TRABD2B: variants seen among roughly 807,000 people sequenced by gnomAD.
The protein encoded by TRABD2B is TraB domain containing 2B, also known as metalloprotease TIKI2.
TRABD2B carries 14 observed loss-of-function variants against 40.1 expected under a neutral mutation model. That is an observed-to-expected ratio of 0.35 (90% CI 0.23 to 0.55). The LOEUF (loss-of-function observed/expected upper bound fraction) is 0.55, where lower values mean the gene tolerates loss of function less well. TRABD2B is among the 20% of genes least tolerant of loss of function. The pLI is 0.90. For missense variants in TRABD2B, 541 were observed against 648.6 expected (o/e 0.83, Z 1.80); for synonymous variants, 263 against 277.0 (o/e 0.95, Z 0.50).
At chr1:47,942,645 A>G (rs772312827) in intron 2 of TRABD2B, among the ~76,000 whole-genome samples, 1 of 152,238 alleles carries the variant, frequency 6.6e-6, no homozygotes, top group Non-Finnish European at 1.5e-5. Context: ...TGCAACAACA[A>G]TAATGTTAAT....
intron 3 of TRABD2B, among the ~76,000 whole-genome samples, chr1:47,796,992 A>T (rs1644757719): frequency 6.6e-6 from 1 of 152,214 alleles, no homozygotes; most frequent in Admixed American, 6.5e-5. Flanking sequence ...ATGTTGTACC[A>T]CCAAATAAAT....
chr1:47,906,870 G>A (rs1227467674), intron 2 of TRABD2B, among the ~76,000 whole-genome samples: 1 of 152,232 alleles, frequency 6.6e-6, no homozygotes, highest in Non-Finnish European at 1.5e-5. Context: ...GCTTAGCAGG[G>A]GGACCTGCCA....
At chr1:47,957,155 G>T (rs971681018) in intron 2 of TRABD2B, among the ~76,000 whole-genome samples, 22 of 152,340 alleles carry the variant, frequency 1.4e-4, no homozygotes, top group African/African-American at 5.1e-4. Flanking sequence ...CTGACTGTTA[G>T]AAAGAAAACT....
In TRABD2B at chr1:47,987,817, G is replaced by A. The variant is rs114167453; in HGVS notation, c.666+6217C>T. On this transcript the variant is annotated intron_variant, in intron 2 of 6. Coordinates refer to ENST00000606738, the MANE Select transcript of TRABD2B (RefSeq NM_001194986.2). ...CAGATGGCTCTGTGGGGGAGACACA[G>A]CGGGTGTGGCAGACTGCCGAAGCAC... Among the ~76,000 whole-genome samples the A allele has an allele frequency of 8.0e-3, 1,218 of 152,230 alleles. 8 individuals carry two copies. Among genetic ancestry groups the A allele is most frequent in the Non-Finnish European group, 0.012 (839 of 68,030 alleles).
At chr1:47,985,410 T>C (rs531484047) in intron 2 of TRABD2B, among the ~76,000 whole-genome samples, 1 of 152,384 alleles carries the variant, frequency 6.6e-6, no homozygotes, top group South Asian at 2.1e-4. Context: ...ATCCCAAGAA[T>C]GAAGGTGACA....
chr1:47,884,776 C>T (rs1026657654), intron 2 of TRABD2B, among the ~76,000 whole-genome samples: 3 of 151,850 alleles, frequency 2.0e-5, no homozygotes, highest in East Asian at 1.9e-4. Flanking sequence ...CCACTATGCC[C>T]GGCTAATTTT....
intron 2 of TRABD2B, among the ~76,000 whole-genome samples, chr1:47,826,335 G>C (rs1320968582): frequency 6.6e-6 from 1 of 151,714 alleles, no homozygotes; most frequent in African/African-American, 2.4e-5. Flanking sequence ...ATTTAAGTGG[G>C]GTGCAAATCT....
rs756654012 is a variant in TRABD2B, at chr1:47,763,347, T to G, written c.*2555A>C. On this transcript the variant is annotated 3_prime_UTR_variant, in exon 7 of 7. Transcript: ENST00000606738. ...CTCCTGTAGGTACATGTCTACTCCA[T>G]CGGTTAGTCTAGCCATCTTTCTTTA... 11 of 152,228 alleles carry G rather than the reference T, an allele frequency of 7.2e-5. No homozygotes were observed. The highest frequency in any genetic ancestry group is 1.2e-4 in the Non-Finnish European group (8 of 68,048). The allele number at this position is 152,228 out of a possible 1,614,324, so 9.4% of individuals were successfully genotyped here. A position where few individuals can be genotyped will look rare whatever the true frequency, so the allele number is the denominator to read the frequency against.
chr1:47,976,476 T>C (rs996753450), intron 2 of TRABD2B, among the ~76,000 whole-genome samples: 8 of 152,174 alleles, frequency 5.3e-5, no homozygotes, highest in African/African-American at 1.9e-4. Flanking sequence ...TTACCTACTA[T>C]GTGCTAGACA....
chr1:47,770,135 C>A (rs903557232), intron 6 of TRABD2B, among the ~76,000 whole-genome samples: 1 of 152,138 alleles, frequency 6.6e-6, no homozygotes, highest in Non-Finnish European at 1.5e-5. Flanking sequence ...GTGGGCTGTA[C>A]CCTGACTGAC....
intron 2 of TRABD2B, among the ~76,000 whole-genome samples, chr1:47,993,407 T>G (rs1646041101): frequency 6.6e-6 from 1 of 152,228 alleles, no homozygotes. Context: ...CTGTCAACCT[T>G]TAAGCGAACA....
In TRABD2B at chr1:47,994,356, T is replaced by C. The variant is rs1261402650; in HGVS notation, c.344A>G (p.His115Arg). 6.5e-7 allele frequency: 1 copy of C among 1,536,142 alleles called. No homozygotes were observed. The highest frequency in any genetic ancestry group is 2.0e-5 in the Admixed American group (1 of 51,004). ...HGENLQDVLP[H>R]ELYWRLKRHL... ...GCGCTTCAAGCGCCAGTAAAGCTCGTGGGGCAGCACGTCCTGCAGGTTTTC... is the reference window on the plus strand; with the variant it reads ...GCGCTTCAAGCGCCAGTAAAGCTCGCGGGGCAGCACGTCCTGCAGGTTTTC... Residue 115 changes from histidine (H) to arginine (R), a missense_variant, in exon 2 of 7, where the codon CAC (histidine) becomes CGC (arginine). By Grantham distance (29) the His-to-Arg change is conservative. This residue lies in a region of TRABD2B where 369 missense variants were observed against 492.8 expected (regional missense o/e 0.75). Transcript: ENST00000606738. This position sits in a 1 kb window ranked among gnomAD's most constrained non-coding sequence, Gnocchi z 6.7.
chr1:47,822,166 A>T (rs986753155), intron 2 of TRABD2B, among the ~76,000 whole-genome samples: 7 of 150,472 alleles, frequency 4.7e-5, no homozygotes, highest in African/African-American at 1.7e-4. Context: ...ACACACACAC[A>T]CAAACACACA....
Position 47,815,146 on chromosome 1 carries a change from A to G in TRABD2B, c.667-13527T>C, listed in dbSNP as rs111753893. ...ATCCCCTCCTTCCCCCTACCACAGA[A>G]AGGGAAAATGTTTTTAGACCCAAGG... On this transcript the variant is annotated intron_variant, in intron 2 of 6. Coordinates refer to ENST00000606738, the MANE Select transcript of TRABD2B (RefSeq NM_001194986.2). 9.0e-3 allele frequency among the ~76,000 whole-genome samples: 1,377 copies of G among 152,276 alleles called. 26 individuals are homozygous for G. The highest frequency in any genetic ancestry group is 0.032 in the African/African-American group (1,314 of 41,552).
At chr1:47,806,739 A>T (rs1387757742) in intron 2 of TRABD2B, among the ~76,000 whole-genome samples, 1 of 152,210 alleles carries the variant, frequency 6.6e-6, no homozygotes, top group African/African-American at 2.4e-5. Context: ...GGAGGGTGGG[A>T]ACAGGTTTAT....
chr1:47,881,815 G>T (rs1378210408), intron 2 of TRABD2B, among the ~76,000 whole-genome samples: 2 of 152,194 alleles, frequency 1.3e-5, no homozygotes, highest in African/African-American at 4.8e-5. Context: ...CTTTGTGTCT[G>T]CATGTCCTGA....
At chr1:47,888,745 C>T (rs1644406305) in intron 2 of TRABD2B, among the ~76,000 whole-genome samples, 1 of 152,186 alleles carries the variant, frequency 6.6e-6, no homozygotes, top group Non-Finnish European at 1.5e-5. Context: ...CACTTCCAGG[C>T]TTGGCCCCTG....
Position 47,814,988 on chromosome 1 carries a change from A to G in TRABD2B, c.667-13369T>C, listed in dbSNP as rs551955922. 4.6e-5 allele frequency among the ~76,000 whole-genome samples: 7 copies of G among 152,314 alleles called. No homozygotes were observed. In the South Asian group the frequency reaches 1.4e-3, roughly 32 times the overall value. On this transcript the variant is annotated intron_variant, in intron 2 of 6. Coordinates refer to ENST00000606738, the MANE Select transcript of TRABD2B (RefSeq NM_001194986.2). ...TCCTGCATGGGGCTTCTCGTTGTGCAGAGAGAACACTGAGCCCCAGAGAGG... is the reference window on the plus strand; with the variant it reads ...TCCTGCATGGGGCTTCTCGTTGTGCGGAGAGAACACTGAGCCCCAGAGAGG...
chr1:47,964,696 C>T, intron 2 of TRABD2B, among the ~76,000 whole-genome samples: 1 of 152,154 alleles, frequency 6.6e-6, no homozygotes, highest in Non-Finnish European at 1.5e-5. Context: ...GGGATTTCAA[C>T]TAGGGTATTA....
Sources: allele counts gnomAD v4.1 joint callset (sites outside exome capture counted in the v4.1 genomes callset), GRCh38; gene constraint gnomAD v4.1.1; regional missense constraint gnomAD v4.1.1; non-coding constraint Gnocchi (gnomAD v3.1); transcripts MANE v1.5; gene names NCBI Gene and HGNC (gene_info 2026-07-23, HGNC 2026-07-21).